The following KLF8 variants were observed in gnomAD, a reference collection of about 807,000 sequenced individuals.
KLF8 encodes Krueppel-like factor 8.
KLF8 carries 10 observed loss-of-function variants against 18.2 expected under a neutral mutation model. The observed-to-expected ratio is 0.55, with a 90% CI of 0.34 to 0.93. The LOEUF (loss-of-function observed/expected upper bound fraction) is 0.93. Among genes scored for constraint, KLF8 ranks in the 40% least tolerant of loss-of-function variants. KLF8 has a pLI of 0.02. For missense variants in KLF8, 264 were observed against 277.9 expected (o/e 0.95, Z 0.36); for synonymous variants, 109 against 97.3 (o/e 1.12, Z -0.71).
the KLF8 span, among the ~76,000 whole-genome samples, chrX:55,954,964 A>G: frequency 3.6e-5 from 4 of 111,834 alleles, no homozygotes; most frequent in Admixed American, 3.8e-4. Context: ...AACAGAAGGT[A>G]GATTAATGTT....
At chrX:56,098,416 G>A in the KLF8 span, among the ~76,000 whole-genome samples, 1 of 111,836 alleles carries the variant, frequency 8.9e-6, no homozygotes, top group Non-Finnish European at 1.9e-5. Context: ...TGGGAATCAA[G>A]GATGTTTCAA....
At chrX:55,933,144 T>G in the KLF8 span, among the ~76,000 whole-genome samples, 2 of 112,047 alleles carry the variant, frequency 1.8e-5, no homozygotes, top group East Asian at 2.8e-4. Flanking sequence ...TATGTTTTCT[T>G]CAAAATATTT....
the KLF8 span, among the ~76,000 whole-genome samples, chrX:55,949,317 G>A: frequency 9.7e-6 from 1 of 102,951 alleles, no homozygotes; most frequent in African/African-American, 3.4e-5. Context: ...TCAAGTTGGT[G>A]GGCAGTTTTC....
chrX:55,961,352 C>A, the KLF8 span: 1 of 459,891 alleles, frequency 2.2e-6, no homozygotes, highest in Non-Finnish European at 4.2e-6. Context: ...GTCACCAAAG[C>A]CTTTAAGAGG....
chrX:56,143,845 T>A, the KLF8 span, among the ~76,000 whole-genome samples: 1 of 112,267 alleles, frequency 8.9e-6, no homozygotes, highest in Non-Finnish European at 1.9e-5. Flanking sequence ...TGATATATAG[T>A]AGAACTTCAA....
chrX:55,932,502 G>T, the KLF8 span, among the ~76,000 whole-genome samples: 20 of 111,900 alleles, frequency 1.8e-4, no homozygotes, highest in Admixed American at 1.6e-3. Flanking sequence ...TGCAGTGGCT[G>T]GTACTGGGTT....
the KLF8 span, among the ~76,000 whole-genome samples, chrX:56,155,616 TA>T: frequency 3.6e-5 from 4 of 111,611 alleles, no homozygotes; most frequent in Middle Eastern, 4.6e-3. Flanking sequence ...AAAATAAAAT[TA>T]AAAAATTAAA....
At chrX:56,004,215 C>T in the KLF8 span, among the ~76,000 whole-genome samples, 1 of 112,257 alleles carries the variant, frequency 8.9e-6, no homozygotes, top group South Asian at 3.7e-4. Context: ...TTGTGAAGGT[C>T]AAATGAGTCA....
intron 2 of KLF8, among the ~76,000 whole-genome samples, chrX:56,250,754 G>C (rs2066698038): frequency 9.0e-6 from 1 of 110,587 alleles, no homozygotes; most frequent in Non-Finnish European, 1.9e-5. Flanking sequence ...GAGAGAGAGA[G>C]AGAGATTTCA....
At chrX:56,116,431 G>T in the KLF8 span, among the ~76,000 whole-genome samples, 1 of 110,905 alleles carries the variant, frequency 9.0e-6, no homozygotes, top group South Asian at 3.8e-4. Context: ...TTTCACCCTG[G>T]TGGCCTTTTC....
chrX:55,972,940 G>C, the KLF8 span, among the ~76,000 whole-genome samples: 1 of 111,939 alleles, frequency 8.9e-6, no homozygotes, highest in East Asian at 2.8e-4. Context: ...AAAGCCAGAG[G>C]CATCACACTA....
chrX:56,068,924 T>G, the KLF8 span, among the ~76,000 whole-genome samples: 1 of 112,331 alleles, frequency 8.9e-6, no homozygotes, highest in Non-Finnish European at 1.9e-5. Context: ...TAAAGTCAGG[T>G]GGAAGTCCCA....
At chrX:56,270,958 C>A (rs1294180839) in intron 5 of KLF8, among the ~76,000 whole-genome samples, 2 of 111,823 alleles carry the variant, frequency 1.8e-5, no homozygotes, top group Non-Finnish European at 3.8e-5. Flanking sequence ...TCCGTGGATT[C>A]AACCAACCAC....
the KLF8 span, among the ~76,000 whole-genome samples, chrX:56,030,913 G>A: frequency 9.1e-6 from 1 of 109,668 alleles, no homozygotes; most frequent in Non-Finnish European, 1.9e-5. Context: ...CACTGTGGGG[G>A]ATCTAAAACT....
the KLF8 span, among the ~76,000 whole-genome samples, chrX:56,192,408 G>T: frequency 9.0e-6 from 1 of 111,387 alleles, no homozygotes; most frequent in Non-Finnish European, 1.9e-5. Context: ...CAATCTACAG[G>T]TTCAATGCAA....
chrX:56,279,159 T>A (rs991087781), intron 5 of KLF8, among the ~76,000 whole-genome samples: 1 of 111,498 alleles, frequency 9.0e-6, no homozygotes, highest in Non-Finnish European at 1.9e-5. Context: ...TCTTTTTTTT[T>A]ATTATTATAC....
At chrX:55,954,250 G>C in the KLF8 span, among the ~76,000 whole-genome samples, 2 of 111,303 alleles carry the variant, frequency 1.8e-5, no homozygotes, top group South Asian at 7.4e-4. Context: ...CATCTTACTT[G>C]TTTTGTTTGT....
chrX:55,939,938 A>G, the KLF8 span, among the ~76,000 whole-genome samples: 1 of 112,112 alleles, frequency 8.9e-6, no homozygotes, highest in Non-Finnish European at 1.9e-5. Flanking sequence ...GCCGAATTCT[A>G]CCAGAGGTAC....
chrX:56,265,627 A>G lies in KLF8; in HGVS notation c.529A>G (p.Thr177Ala). The change falls in exon 3 of 6, where the codon ACC becomes GCC. Residue 177 changes from threonine to alanine, a missense_variant. Coordinates refer to ENST00000468660, the MANE Select transcript of KLF8 (RefSeq NM_007250.5). ...GCCAAATAAGATGGGTGGCCTGAAG[A>G]CCATCCCAGTGGTAGTGCAGTCTCT... ...SLPNKMGGLK[T>A]IPVVVQSLPM... The G allele has an allele frequency of 8.3e-7, 1 of 1,211,443 alleles. No individual in the cohort carries two copies. The highest frequency in any genetic ancestry group is 1.7e-5 in the African/African-American group (1 of 57,806).
Sources: gnomAD v4.1 joint callset for allele counts (sites outside exome capture counted in the v4.1 genomes callset) on GRCh38, gnomAD v4.1.1 for gene constraint, MANE v1.5 for transcripts, NCBI Gene and HGNC (gene_info 2026-07-23, HGNC 2026-07-21) for gene names.